The following TOX variants were observed in gnomAD, a reference collection of about 807,000 sequenced individuals.
The protein encoded by TOX is thymocyte selection associated high mobility group box, also known as thymocyte selection-associated high mobility group box protein TOX.
TOX carries 11 observed loss-of-function variants against 53.7 expected under a neutral mutation model. That is an observed-to-expected ratio of 0.20 (90% CI 0.13 to 0.34). TOX has a LOEUF of 0.34. TOX is among the 10% of genes least tolerant of loss of function. The pLI is 1.00. For missense variants in TOX, 570 were observed against 664.6 expected (o/e 0.86, Z 1.56); for synonymous variants, 225 against 245.3 (o/e 0.92, Z 0.77).
At chr8:58,857,686 G>A (rs1375325231) in intron 3 of TOX, among the ~76,000 whole-genome samples, 1 of 152,144 alleles carries the variant, frequency 6.6e-6, no homozygotes, top group Non-Finnish European at 1.5e-5. Flanking sequence ...GCCACGTTGA[G>A]GACAGAGCTC....
At chr8:58,821,087 T>C (rs1399948034) in intron 6 of TOX, among the ~76,000 whole-genome samples, 1 of 152,134 alleles carries the variant, frequency 6.6e-6, no homozygotes, top group Non-Finnish European at 1.5e-5. Flanking sequence ...CTTTGCAGGG[T>C]TCATAAAGAT....
At chr8:59,014,666 G>A (rs938533846) in intron 1 of TOX, among the ~76,000 whole-genome samples, 9 of 152,172 alleles carry the variant, frequency 5.9e-5, no homozygotes, top group African/African-American at 2.2e-4. Context: ...GATAAATAGA[G>A]AGCAGTTAAG....
chr8:59,019,528 G>A (rs182276199), intron 1 of TOX, among the ~76,000 whole-genome samples: 12 of 152,256 alleles, frequency 7.9e-5, no homozygotes, highest in Admixed American at 3.3e-4. Flanking sequence ...AACTAGTGTC[G>A]AAAGTTGAAG....
chr8:58,887,772 T>G (rs1258976880), intron 3 of TOX, among the ~76,000 whole-genome samples: 2 of 152,064 alleles, frequency 1.3e-5, no homozygotes, highest in Non-Finnish European at 2.9e-5. Flanking sequence ...CTCTTTTACC[T>G]CTTAAACTTT....
At chr8:58,939,627 T>C in intron 2 of TOX, 83 bp from the exon 3 acceptor site, 1 of 1,510,788 alleles carries the variant, frequency 6.6e-7, no homozygotes, top group Admixed American at 2.1e-5. Flanking sequence ...ACCCTTTAGA[T>C]ATTATTACAA....
chr8:59,111,535 AACAC>A (rs1052845507), intron 1 of TOX, among the ~76,000 whole-genome samples: 1 of 151,658 alleles, frequency 6.6e-6, no homozygotes, highest in African/African-American at 2.4e-5. Flanking sequence ...GAGAAACACA[AACAC>A]ACACACACAT....
intron 2 of TOX, among the ~76,000 whole-genome samples, chr8:58,957,093 A>G (rs1049475233): frequency 1.3e-5 from 2 of 152,216 alleles, no homozygotes; most frequent in Non-Finnish European, 2.9e-5. Flanking sequence ...GCTTCCTTTC[A>G]GTAGCCCACT....
At chr8:59,002,289 TA>T (rs530123292) in intron 1 of TOX, among the ~76,000 whole-genome samples, 27 of 141,472 alleles carry the variant, frequency 1.9e-4, no homozygotes, top group Admixed American at 2.8e-4. Context: ...TACTTTTCTT[TA>T]AAAAAAAAAT....
intron 7 of TOX, among the ~76,000 whole-genome samples, chr8:58,808,962 A>T (rs1347315740): frequency 1.3e-5 from 2 of 152,264 alleles, no homozygotes; most frequent in African/African-American, 4.8e-5. Context: ...AACAATAATC[A>T]GACTTCAGGA....
intron 3 of TOX, among the ~76,000 whole-genome samples, chr8:58,903,025 C>T (rs922100910): frequency 1.3e-5 from 2 of 152,108 alleles, no homozygotes; most frequent in Non-Finnish European, 2.9e-5. Flanking sequence ...AATAGTTGTC[C>T]TAAATAAAAA....
At chr8:59,043,329 T>C (rs1803627541) in intron 1 of TOX, among the ~76,000 whole-genome samples, 3 of 151,954 alleles carry the variant, frequency 2.0e-5, no homozygotes, top group Non-Finnish European at 4.4e-5. Flanking sequence ...CAAAATGTTA[T>C]GGTAGAATCT....
At chr8:59,082,531 C>A (rs892070396) in intron 1 of TOX, among the ~76,000 whole-genome samples, 1 of 152,182 alleles carries the variant, frequency 6.6e-6, no homozygotes, top group African/African-American at 2.4e-5. Context: ...TACATCTCTA[C>A]GTATGTACAT....
chr8:58,859,551 G>C (rs1365742294), intron 3 of TOX, among the ~76,000 whole-genome samples: 1 of 152,136 alleles, frequency 6.6e-6, no homozygotes. Flanking sequence ...TCACAAGAAA[G>C]TAAGAACCCT....
chr8:58,876,394 T>C (rs1012955031), intron 3 of TOX, among the ~76,000 whole-genome samples: 2 of 152,162 alleles, frequency 1.3e-5, no homozygotes, highest in Non-Finnish European at 2.9e-5. Context: ...AAACTCCAAA[T>C]ACTTTGGATG....
At chr8:58,997,878 C>T (rs1335212495) in intron 1 of TOX, among the ~76,000 whole-genome samples, 2 of 152,002 alleles carry the variant, frequency 1.3e-5, no homozygotes, top group East Asian at 1.9e-4. Context: ...CTGCAAGCTC[C>T]GCCTCCTGGG....
At chr8:58,933,378 G>A (rs979828912) in intron 3 of TOX, among the ~76,000 whole-genome samples, 1 of 152,242 alleles carries the variant, frequency 6.6e-6, no homozygotes, top group South Asian at 2.1e-4. Context: ...CTTCAGCCAT[G>A]AATACTTAAT....
chr8:58,882,896 A>G (rs2129171068), intron 3 of TOX, among the ~76,000 whole-genome samples: 1 of 152,336 alleles, frequency 6.6e-6, no homozygotes, highest in South Asian at 2.1e-4. Flanking sequence ...TAGGATCTAG[A>G]ATTCATTAGA....
chr8:58,975,154 A>G (rs1813068662), intron 1 of TOX, among the ~76,000 whole-genome samples: 1 of 151,700 alleles, frequency 6.6e-6, no homozygotes, highest in African/African-American at 2.4e-5. Context: ...ATATATTATT[A>G]TATATACTTA....
chr8:59,093,178 G>A (rs1284064829), intron 1 of TOX, among the ~76,000 whole-genome samples: 1 of 151,896 alleles, frequency 6.6e-6, no homozygotes, highest in East Asian at 1.9e-4. Context: ...TCTTCCTATA[G>A]TAGGCTCTGA....
Sources: gnomAD v4.1 joint callset for allele counts (sites outside exome capture counted in the v4.1 genomes callset) on GRCh38, gnomAD v4.1.1 for gene constraint, MANE v1.5 for transcripts, NCBI Gene and HGNC (gene_info 2026-07-23, HGNC 2026-07-21) for gene names.